Variants in MAML2 observed in about 807,000 individuals in gnomAD.
MAML2 encodes mastermind like transcriptional coactivator 2.
Under a neutral mutation model 96.1 loss-of-function variants are expected in MAML2, and 22 were observed. That is an observed-to-expected ratio of 0.23 (90% confidence interval 0.16 to 0.33). The LOEUF is 0.33. Among genes scored for constraint, MAML2 ranks in the 10% least tolerant of loss-of-function variants. MAML2 has a pLI of 1.00. For missense variants in MAML2, 1,367 were observed against 1,392.4 expected (o/e 0.98, Z 0.29); for synonymous variants, 561 against 521.3 (o/e 1.08, Z -1.04).
intron 1 of MAML2, among the ~76,000 whole-genome samples, chr11:96,237,112 A>G (rs1481684110): frequency 2.6e-5 from 4 of 152,208 alleles, no homozygotes; most frequent in East Asian, 3.8e-4. Context: ...AAGAACTGCA[A>G]TGTTAAGCTG....
chr11:96,117,265 C>T (rs1227028924), intron 1 of MAML2, among the ~76,000 whole-genome samples: 2 of 151,194 alleles, frequency 1.3e-5, no homozygotes, highest in East Asian at 1.9e-4. Context: ...TTGACATACC[C>T]AGTATCTGTC....
At chr11:96,077,130 A>T (rs1338354765) in intron 2 of MAML2, among the ~76,000 whole-genome samples, 7 of 151,522 alleles carry the variant, frequency 4.6e-5, no homozygotes, top group African/African-American at 1.5e-4. Flanking sequence ...AGCAGAAGAG[A>T]TCATCAGAAA....
chr11:96,000,211 G>A (rs1462458047), intron 2 of MAML2, among the ~76,000 whole-genome samples: 1 of 152,178 alleles, frequency 6.6e-6, no homozygotes, highest in East Asian at 1.9e-4. Flanking sequence ...GAAACAGCTT[G>A]TAAACAGAAA....
chr11:96,058,720 C>G (rs530644947), intron 2 of MAML2, among the ~76,000 whole-genome samples: 7 of 152,290 alleles, frequency 4.6e-5, no homozygotes, highest in Admixed American at 4.6e-4. Flanking sequence ...AGAATTCTGC[C>G]CATCTGCCTG....
At chr11:96,295,681 A>AAC (rs71745057) in intron 1 of MAML2, among the ~76,000 whole-genome samples, 7,829 of 147,138 alleles carry the variant, frequency 0.053, 376 homozygotes, top group Admixed American at 0.17. Context: ...CTGCTGCTGT[A>AAC]ACACACACAC....
rs547713102 is a variant in MAML2, at chr11:96,024,206, C to T, written c.2140-32483G>A. Among the ~76,000 whole-genome samples, 11 of 152,212 alleles carry T rather than the reference C, an allele frequency of 7.2e-5. No individual in the cohort carries two copies. In the South Asian group the frequency reaches 1.5e-3, roughly 20 times the overall value. ...ACTGTAGGTTGAAATGAAAGAGTTG[C>T]GATAGTAGAAAAGATTATTTTTGCA... On this transcript the variant is annotated intron_variant, in intron 2 of 4. Transcript: ENST00000524717.
chr11:96,271,317 C>T (rs1862912729), intron 1 of MAML2, among the ~76,000 whole-genome samples: 1 of 152,068 alleles, frequency 6.6e-6, no homozygotes, highest in Non-Finnish European at 1.5e-5. Context: ...ATTTTGGTAC[C>T]AGGAGTGGGA....
chr11:96,304,586 A>G (rs545494475), intron 1 of MAML2, among the ~76,000 whole-genome samples: 12 of 152,306 alleles, frequency 7.9e-5, no homozygotes, highest in Admixed American at 7.8e-4. Flanking sequence ...TTCTTTATCT[A>G]GAAGACCATC....
chr11:96,212,164 G>A (rs1861983568), intron 1 of MAML2, among the ~76,000 whole-genome samples: 1 of 144,428 alleles, frequency 6.9e-6, no homozygotes, highest in Non-Finnish European at 1.5e-5. Flanking sequence ...AGGGGGACTC[G>A]TAATCTCATT....
rs561387970 is a variant in MAML2, at chr11:95,980,210, G to T, written c.2456-247C>A. Among the ~76,000 whole-genome samples the T allele has an allele frequency of 1.5e-4, 23 of 152,272 alleles. 1 individual carries two copies. In the South Asian group the frequency reaches 4.6e-3, roughly 30 times the overall value. On this transcript the variant is annotated intron_variant, in intron 4 of 4. Transcript: ENST00000524717. ...GACTAAAATAGAATAGTTCTATCTTGTAGGTTTTATTTTATTCCTCTTCTG... is the reference window on the plus strand; with the variant it reads ...GACTAAAATAGAATAGTTCTATCTTTTAGGTTTTATTTTATTCCTCTTCTG...
intron 1 of MAML2, among the ~76,000 whole-genome samples, chr11:96,180,585 C>T (rs1861468238): frequency 6.6e-6 from 1 of 152,176 alleles, no homozygotes. Flanking sequence ...ACTCCAGTCC[C>T]TTGGTCTGTA....
At chr11:96,290,467 G>T (rs1440237384) in intron 1 of MAML2, among the ~76,000 whole-genome samples, 2 of 152,168 alleles carry the variant, frequency 1.3e-5, no homozygotes, top group Non-Finnish European at 2.9e-5. Flanking sequence ...CCCATGGAAG[G>T]TCAATTGACA....
intron 4 of MAML2, 47 bp from the exon 5 acceptor site, chr11:95,980,010 T>G: frequency 6.8e-7 from 1 of 1,476,104 alleles, no homozygotes; most frequent in Non-Finnish European, 9.2e-7. Context: ...GCATGTTATC[T>G]CCTCTGTAAC....
At chr11:96,273,227 A>T (rs1414343324) in intron 1 of MAML2, among the ~76,000 whole-genome samples, 5 of 152,236 alleles carry the variant, frequency 3.3e-5, no homozygotes, top group Non-Finnish European at 5.9e-5. Flanking sequence ...TACTGTTTAT[A>T]AATCAAGGCA....
At chr11:96,149,458 G>C (rs1411161632) in intron 1 of MAML2, among the ~76,000 whole-genome samples, 1 of 145,948 alleles carries the variant, frequency 6.9e-6, no homozygotes, top group East Asian at 2.0e-4. Context: ...TCAGCCAGGC[G>C]CAGTGGCTCA....
At position 96,098,482 on chromosome 11, in the gene MAML2, CTG is replaced by C. The variant is rs543588836; in HGVS notation, c.514-4967_514-4966del. 1.3e-3 allele frequency among the ~76,000 whole-genome samples: 197 copies of C among 152,298 alleles called. 1 individual carries two copies. The highest frequency in any genetic ancestry group is 4.5e-3 in the African/African-American group (187 of 41,554). Reference sequence around the variant, plus strand: ...CCACAATTACGTTTAATTCATGAGACTGTGCATTTAATATCACCCTTTCACTG... The same window carrying C: ...CCACAATTACGTTTAATTCATGAGACTGCATTTAATATCACCCTTTCACTG... On this transcript the variant is annotated intron_variant, in intron 1 of 4. Transcript: ENST00000524717.
At chr11:96,156,662 C>T (rs1861015883) in intron 1 of MAML2, among the ~76,000 whole-genome samples, 1 of 152,180 alleles carries the variant, frequency 6.6e-6, no homozygotes, top group African/African-American at 2.4e-5. Flanking sequence ...AATCTGAGGA[C>T]ATATTAACCA....
At chr11:95,992,133 G>A (rs2135710385) in intron 2 of MAML2, among the ~76,000 whole-genome samples, 1 of 152,338 alleles carries the variant, frequency 6.6e-6, no homozygotes, top group African/African-American at 2.4e-5. Context: ...TGAAAGTCAT[G>A]TTTTAATTCA....
chr11:96,048,858 T>C (rs1858948037), intron 2 of MAML2, among the ~76,000 whole-genome samples: 2 of 152,248 alleles, frequency 1.3e-5, no homozygotes, highest in Admixed American at 1.3e-4. Context: ...GCTTGCCAAT[T>C]GCAAATTCTT....
Sources: gnomAD v4.1 joint callset for allele counts (sites outside exome capture counted in the v4.1 genomes callset) on GRCh38, gnomAD v4.1.1 for gene constraint, MANE v1.5 for transcripts, NCBI Gene and HGNC (gene_info 2026-07-23, HGNC 2026-07-21) for gene names.